DLG2: variants seen among roughly 807,000 people sequenced by gnomAD.
The protein encoded by DLG2 is disks large homolog 2.
In DLG2, 45 loss-of-function variants were observed where a neutral mutation model predicts 132.5. The ratio of observed to expected loss-of-function variants is 0.34; its 90% CI spans 0.27 to 0.44. The LOEUF (loss-of-function observed/expected upper bound fraction) is 0.44. Among genes scored for constraint, DLG2 ranks in the 20% least tolerant of loss-of-function variants. The probability of loss-of-function intolerance (pLI) is 1.00; values close to 1 mark genes in which losing one functional copy is unlikely to be tolerated. For missense variants in DLG2, 1,045 were observed against 1,196.9 expected (o/e 0.87, Z 1.87); for synonymous variants, 424 against 419.6 (o/e 1.01, Z -0.13).
intron 15 of DLG2, among the ~76,000 whole-genome samples, chr11:83,885,154 A>T (rs1381201968): frequency 6.6e-6 from 1 of 152,264 alleles, no homozygotes; most frequent in Non-Finnish European, 1.5e-5. Flanking sequence ...ACTCCAAGCT[A>T]CAGGAGGAAA....
chr11:85,488,313 C>A (rs1045576952), intron 3 of DLG2, among the ~76,000 whole-genome samples: 1 of 151,698 alleles, frequency 6.6e-6, no homozygotes, highest in Non-Finnish European at 1.5e-5. Flanking sequence ...CGCTTGAACC[C>A]AAGAGGCAGA....
intron 6 of DLG2, among the ~76,000 whole-genome samples, chr11:84,705,391 C>G (rs1437422405): frequency 2.0e-5 from 3 of 151,694 alleles, no homozygotes. Flanking sequence ...ACAGGACCAA[C>G]CCTTCTTACC....
At chr11:84,588,833 T>C (rs963872404) in intron 6 of DLG2, among the ~76,000 whole-genome samples, 8 of 152,078 alleles carry the variant, frequency 5.3e-5, no homozygotes, top group African/African-American at 1.9e-4. Flanking sequence ...TGGGGCTGCT[T>C]TGTCTATGAA....
intron 7 of DLG2, among the ~76,000 whole-genome samples, chr11:84,478,052 A>C (rs1447681454): frequency 1.3e-5 from 2 of 152,178 alleles, no homozygotes; most frequent in Admixed American, 6.6e-5. Flanking sequence ...CAGCTAGTAA[A>C]TGCAAAGATA....
intron 7 of DLG2, among the ~76,000 whole-genome samples, chr11:84,335,281 G>C (rs2098479118): frequency 6.6e-6 from 1 of 151,316 alleles, no homozygotes; most frequent in African/African-American, 2.4e-5. Flanking sequence ...AGGGAGGGAG[G>C]AAAAGGTAGA....
chr11:85,614,576 G>A (rs1225361692), intron 2 of DLG2, among the ~76,000 whole-genome samples: 1 of 152,172 alleles, frequency 6.6e-6, no homozygotes, highest in Non-Finnish European at 1.5e-5. Context: ...GGAGGCAGAG[G>A]TTGCAGTAAG....
chr11:85,032,553 T>A (rs1180596445), intron 6 of DLG2, among the ~76,000 whole-genome samples: 1 of 152,266 alleles, frequency 6.6e-6, no homozygotes, highest in East Asian at 1.9e-4. Flanking sequence ...TCTTTGTAAT[T>A]TGATAAGTGA....
At chr11:83,509,975 T>C (rs185195958) in intron 21 of DLG2, among the ~76,000 whole-genome samples, 1 of 152,286 alleles carries the variant, frequency 6.6e-6, no homozygotes, top group African/African-American at 2.4e-5. Flanking sequence ...GGGCTTAATG[T>C]CTAGTGAAGG....
At chr11:85,360,539 T>C (rs956643207) in intron 3 of DLG2, among the ~76,000 whole-genome samples, 5 of 152,166 alleles carry the variant, frequency 3.3e-5, no homozygotes, top group Non-Finnish European at 4.4e-5. Flanking sequence ...TATTTTTGCT[T>C]AGAATCAGTC....
chr11:85,017,046 T>C (rs2059633587), intron 6 of DLG2, among the ~76,000 whole-genome samples: 2 of 152,182 alleles, frequency 1.3e-5, no homozygotes, highest in African/African-American at 4.8e-5. Flanking sequence ...GCTGCTTCAA[T>C]GCTACAAGGG....
chr11:85,510,598 T>C (rs768088109), intron 3 of DLG2, among the ~76,000 whole-genome samples: 2 of 152,006 alleles, frequency 1.3e-5, no homozygotes, highest in African/African-American at 4.8e-5. Context: ...AAGACATTTA[T>C]GCAGCCAAAA....
chr11:85,606,818 G>C (rs1208035893), intron 2 of DLG2, among the ~76,000 whole-genome samples: 1 of 152,132 alleles, frequency 6.6e-6, no homozygotes, highest in African/African-American at 2.4e-5. Flanking sequence ...ACCTTTAAGA[G>C]CTGTAACACT....
At chr11:85,225,683 T>A (rs1517313) in intron 4 of DLG2, among the ~76,000 whole-genome samples, 120,683 of 151,338 alleles carry the variant, frequency 0.8, 48,986 homozygotes, top group Non-Finnish European at 0.89. Context: ...CTCTTCTCTC[T>A]GTTTATTTTT....
chr11:85,153,054 C>A (rs180789779), intron 5 of DLG2, among the ~76,000 whole-genome samples: 1 of 152,126 alleles, frequency 6.6e-6, no homozygotes, highest in Non-Finnish European at 1.5e-5. Context: ...ACCTATCAAT[C>A]CTTTCATATA....
intron 3 of DLG2, among the ~76,000 whole-genome samples, chr11:85,583,120 GTGTGTGTGTGTATATATATATATA>G (rs1303482208): frequency 9.2e-4 from 53 of 57,836 alleles, no homozygotes; most frequent in Non-Finnish European, 1.5e-3. Flanking sequence ...GTGTGTGTGT[GTGTGTGTGTGTATATATATATATA>G]TATATATATA....
intron 6 of DLG2, among the ~76,000 whole-genome samples, chr11:85,089,707 C>T (rs867517050): frequency 3.9e-5 from 6 of 152,272 alleles, no homozygotes; most frequent in South Asian, 4.1e-4. Context: ...AATCTCCAAA[C>T]TGCTTTCCAC....
intron 8 of DLG2, among the ~76,000 whole-genome samples, chr11:84,247,016 C>G (rs2097310749): frequency 6.6e-6 from 1 of 151,894 alleles, no homozygotes; most frequent in Non-Finnish European, 1.5e-5. Context: ...CATTGAACTC[C>G]AAGATATTTA....
At chr11:85,616,279 G>C (rs1367556542) in intron 2 of DLG2, among the ~76,000 whole-genome samples, 1 of 151,998 alleles carries the variant, frequency 6.6e-6, no homozygotes, top group African/African-American at 2.4e-5. Context: ...TATCATATTT[G>C]ATGGGAAAAA....
intron 7 of DLG2, among the ~76,000 whole-genome samples, chr11:84,273,469 C>T (rs535601326): frequency 1.1e-4 from 17 of 152,180 alleles, no homozygotes; most frequent in African/African-American, 3.9e-4. Context: ...ATGTTTTCAT[C>T]GGGAAGAATT....
Sources: allele counts gnomAD v4.1 joint callset (sites outside exome capture counted in the v4.1 genomes callset), GRCh38; gene constraint gnomAD v4.1.1; transcripts MANE v1.5; gene names NCBI Gene and HGNC (gene_info 2026-07-23, HGNC 2026-07-21).